Variants in MAP3K13 observed in about 807,000 individuals in gnomAD.
MAP3K13 encodes leucine zipper-bearing kinase.
Under a neutral mutation model 104.0 loss-of-function variants are expected in MAP3K13, and 52 were observed. The ratio of observed to expected loss-of-function variants is 0.50; its 90% CI spans 0.40 to 0.63. The LOEUF (loss-of-function observed/expected upper bound fraction) is 0.63. MAP3K13 is among the 20% of genes least tolerant of loss of function. The pLI is 0.00. For missense variants in MAP3K13, 914 were observed against 1,218.5 expected (o/e 0.75, Z 3.72); for synonymous variants, 394 against 442.2 (o/e 0.89, Z 1.37).
At chr3:185,454,894 G>A (rs1261313851) in intron 7 of MAP3K13, among the ~76,000 whole-genome samples, 1 of 83,948 alleles carries the variant, frequency 1.2e-5, no homozygotes, top group Non-Finnish European at 2.2e-5. Context: ...ATATATATAT[G>A]AGATATATAT....
At chr3:185,339,847 T>C (rs1722652441) in intron 2 of MAP3K13, among the ~76,000 whole-genome samples, 1 of 152,102 alleles carries the variant, frequency 6.6e-6, no homozygotes, top group African/African-American at 2.4e-5. Flanking sequence ...GAAAAGAAAA[T>C]AAAAGGAAAC....
In MAP3K13 at chr3:185,429,054, A is replaced by C. The variant is rs1019133118; in HGVS notation, c.473A>C (p.Gln158Pro). The C allele has an allele frequency of 1.9e-6, 3 of 1,611,372 alleles. No individual in the cohort carries two copies. The highest frequency in any genetic ancestry group is 2.5e-6 in the Non-Finnish European group (3 of 1,177,936). ...AYSTDYKLQQ[Q>P]DTWEVPFEEI... The stretch of plus-strand genomic sequence containing the variant: ...TCCACTGATTACAAATTGCAGCAGC[A>C]AGGTAAGCTAGAATATGGACTTGGA... The change falls in exon 2 of 14, where the codon CAA (glutamine) becomes CCA (proline). Residue 158 changes from glutamine to proline, a missense_variant and splice_region_variant. Transcript: ENST00000265026.
chr3:185,462,583 G>A (rs917196388), intron 7 of MAP3K13, among the ~76,000 whole-genome samples: 3 of 152,012 alleles, frequency 2.0e-5, no homozygotes, highest in African/African-American at 7.3e-5. Flanking sequence ...GACCAGCCTG[G>A]ACAACAAGGT....
intron 2 of MAP3K13, among the ~76,000 whole-genome samples, chr3:185,350,093 G>T (rs920759197): frequency 6.6e-6 from 1 of 152,104 alleles, no homozygotes; most frequent in Non-Finnish European, 1.5e-5. Flanking sequence ...TGTTTTATTA[G>T]GTTCAACAGA....
chr3:185,478,248 C>T (rs1439129925), intron 12 of MAP3K13, among the ~76,000 whole-genome samples: 1 of 152,122 alleles, frequency 6.6e-6, no homozygotes, highest in East Asian at 1.9e-4. Context: ...AGAATAAAAG[C>T]TGCCTCTAAT....
chr3:185,461,163 C>T (rs1717077121), intron 7 of MAP3K13, among the ~76,000 whole-genome samples: 1 of 152,182 alleles, frequency 6.6e-6, no homozygotes, highest in Admixed American at 6.6e-5. Flanking sequence ...AGCTTAGATG[C>T]TGTCAAAGGC....
At chr3:185,302,747 G>T (rs1721152748) in intron 2 of MAP3K13, among the ~76,000 whole-genome samples, 1 of 152,004 alleles carries the variant, frequency 6.6e-6, no homozygotes, top group South Asian at 2.1e-4. Context: ...GAATCTTTTG[G>T]TTTTTCTACA....
intron 2 of MAP3K13, among the ~76,000 whole-genome samples, chr3:185,353,647 T>G (rs1723230771): frequency 6.6e-6 from 1 of 152,244 alleles, no homozygotes; most frequent in South Asian, 2.1e-4. Context: ...AGGCTCATTT[T>G]AAAACTGACT....
chr3:185,342,293 A>G (rs2108721605), intron 2 of MAP3K13, among the ~76,000 whole-genome samples: 1 of 152,332 alleles, frequency 6.6e-6, no homozygotes, highest in East Asian at 1.9e-4. Flanking sequence ...TTTTGGGGCA[A>G]TCTGCATGCT....
intron 2 of MAP3K13, among the ~76,000 whole-genome samples, chr3:185,342,274 G>A (rs1464607637): frequency 2.0e-5 from 3 of 152,302 alleles, no homozygotes; most frequent in East Asian, 3.9e-4. Context: ...GTTGCTTTGA[G>A]TTGTTACGTT....
intron 4 of MAP3K13, 77 bp downstream of exon 4, chr3:185,443,713 C>T (rs556754135): frequency 8.3e-6 from 10 of 1,198,738 alleles, no homozygotes; most frequent in African/African-American, 3.0e-5. Flanking sequence ...CCTCAGTTGA[C>T]GTTTTCAGAC....
chr3:185,386,893 C>T (rs968121026), intron 1 of MAP3K13, among the ~76,000 whole-genome samples: 1 of 152,040 alleles, frequency 6.6e-6, no homozygotes, highest in South Asian at 2.1e-4. Flanking sequence ...CATACTGAAT[C>T]CTGTCAGAGG....
At chr3:185,403,231 G>A (rs184725480) in intron 1 of MAP3K13, among the ~76,000 whole-genome samples, 89 of 152,236 alleles carry the variant, frequency 5.8e-4, no homozygotes, top group Non-Finnish European at 1.0e-3. Flanking sequence ...GCTGCTGTTC[G>A]GAAATTGCTG....
chr3:185,391,476 CTAAA>C (rs1712049447), intron 1 of MAP3K13, among the ~76,000 whole-genome samples: 1 of 151,952 alleles, frequency 6.6e-6, no homozygotes, highest in Admixed American at 6.6e-5. Context: ...AACACAGGAC[CTAAA>C]TAAATATCAG....
At chr3:185,469,953 A>C (rs1228365656) in intron 10 of MAP3K13, among the ~76,000 whole-genome samples, 1 of 152,174 alleles carries the variant, frequency 6.6e-6, no homozygotes, top group Non-Finnish European at 1.5e-5. Flanking sequence ...CATATGGTGA[A>C]GACAGGACTG....
intron 2 of MAP3K13, among the ~76,000 whole-genome samples, chr3:185,325,585 A>C (rs1253299353): frequency 1.3e-5 from 2 of 152,152 alleles, no homozygotes; most frequent in African/African-American, 4.8e-5. Flanking sequence ...TTTGGGAGGT[A>C]GAGGGGTGGT....
chr3:185,307,564 A>C, intron 2 of MAP3K13, among the ~76,000 whole-genome samples: 1 of 10,666 alleles, frequency 9.4e-5, no homozygotes, highest in Admixed American at 9.4e-4. Context: ...CCACCCCGAG[A>C]TGCAGTCTTA....
At position 185,454,522 on chromosome 3, in the gene MAP3K13, A is replaced by AT. The variant is rs1560116749; in HGVS notation, c.1278+3127_1278+3128insT. ...TATATATGAGATATATATGATATAT[A>AT]CCATATATATGAGATATATATATGA... On this transcript the variant is annotated intron_variant, in intron 7 of 13. Transcript: ENST00000265026. Among the ~76,000 whole-genome samples the AT allele has an allele frequency of 1.5e-3, 119 of 77,594 alleles. 3 individuals are homozygous for AT. The highest frequency in any genetic ancestry group is 2.4e-3 in the Non-Finnish European group (92 of 38,124). The allele number at this position is 77,594 out of a possible 152,430, so 50.9% of individuals were successfully genotyped here. A position where few individuals can be genotyped will look rare whatever the true frequency, so the allele number is the denominator to read the frequency against.
At chr3:185,476,119 C>G (rs1204428235) in intron 11 of MAP3K13, among the ~76,000 whole-genome samples, 2 of 152,096 alleles carry the variant, frequency 1.3e-5, no homozygotes, top group Non-Finnish European at 2.9e-5. Flanking sequence ...TAGCAGTCAC[C>G]ACATTCCCCA....
Sources: gnomAD v4.1 joint callset for allele counts (sites outside exome capture counted in the v4.1 genomes callset) on GRCh38, gnomAD v4.1.1 for gene constraint, MANE v1.5 for transcripts, NCBI Gene and HGNC (gene_info 2026-07-23, HGNC 2026-07-21) for gene names.